Variants in ZNF385B observed in about 807,000 individuals in gnomAD.
The protein encoded by ZNF385B is zinc finger protein 385B, also known as zinc finger protein 533.
A neutral mutation model predicts 39.2 loss-of-function variants in ZNF385B; 23 were observed. That is an observed-to-expected ratio of 0.59 (90% CI 0.42 to 0.83). The LOEUF (loss-of-function observed/expected upper bound fraction) is 0.83, where lower values mean the gene tolerates loss of function less well. Among genes scored for constraint, ZNF385B ranks in the 40% least tolerant of loss-of-function variants. The pLI, the probability that ZNF385B is intolerant of heterozygous loss-of-function variation, is 0.00. For missense variants in ZNF385B, 552 were observed against 598.9 expected (o/e 0.92, Z 0.82); for synonymous variants, 205 against 222.6 (o/e 0.92, Z 0.70).
chr2:179,777,199 G>A (rs1190172077), intron 1 of ZNF385B, among the ~76,000 whole-genome samples: 1 of 151,616 alleles, frequency 6.6e-6, no homozygotes, highest in Non-Finnish European at 1.5e-5. Context: ...TGAGAACAAG[G>A]AATGGATTTT....
chr2:179,611,575 T>C lies in ZNF385B; in HGVS notation c.299-66606A>G, dbSNP rs186164730. ...GCCTCGTGGAATGAGTTTGGAAGTA[T>C]TTCCTCCTCCTATTTGTTTTGAATA... On this transcript the variant is annotated intron_variant, in intron 3 of 9. Transcript: ENST00000410066. Among the ~76,000 whole-genome samples, 7 of 152,306 alleles carry C rather than the reference T, an allele frequency of 4.6e-5. No homozygotes were observed. The East Asian group carries it at 1.4e-3, about 29-fold the overall frequency.
intron 3 of ZNF385B, among the ~76,000 whole-genome samples, chr2:179,630,366 A>G (rs1422415155): frequency 6.6e-6 from 1 of 152,238 alleles, no homozygotes; most frequent in African/African-American, 2.4e-5. Flanking sequence ...TGCTGGTGAT[A>G]CCCAGACAAA....
At chr2:179,798,998 G>A (rs1705860159) in intron 1 of ZNF385B, among the ~76,000 whole-genome samples, 2 of 151,802 alleles carry the variant, frequency 1.3e-5, no homozygotes, top group Admixed American at 1.3e-4. Context: ...TAGTGATTTG[G>A]TGATATTTAG....
intron 5 of ZNF385B, chr2:179,514,130 T>C (rs2057906728): frequency 1.3e-5 from 2 of 152,236 alleles, no homozygotes; most frequent in Non-Finnish European, 1.5e-5. Context: ...TGGGCTAACA[T>C]CGAGGTGTCA....
intron 1 of ZNF385B, among the ~76,000 whole-genome samples, chr2:179,813,631 G>C (rs1559218379): frequency 6.6e-6 from 1 of 152,146 alleles, no homozygotes; most frequent in South Asian, 2.1e-4. Flanking sequence ...CCCTATAGTA[G>C]TCAAATAAAT....
At chr2:179,797,731 G>T (rs1436330257) in intron 1 of ZNF385B, among the ~76,000 whole-genome samples, 4 of 152,040 alleles carry the variant, frequency 2.6e-5, no homozygotes, top group Non-Finnish European at 1.5e-5. Flanking sequence ...AAAACCGATA[G>T]TCAGATCTAG....
chr2:179,490,052 G>A (rs1226874906), intron 5 of ZNF385B, among the ~76,000 whole-genome samples: 2 of 152,174 alleles, frequency 1.3e-5, no homozygotes, highest in Non-Finnish European at 2.9e-5. Context: ...CTTCTGGATT[G>A]TGCCAGGCCA....
chr2:179,672,281 T>C (rs1430791828), intron 3 of ZNF385B, among the ~76,000 whole-genome samples: 1 of 152,208 alleles, frequency 6.6e-6, no homozygotes, highest in African/African-American at 2.4e-5. Context: ...CCACTACAGT[T>C]TAGAAGCACA....
chr2:179,619,807 A>G (rs1690058726), intron 3 of ZNF385B, among the ~76,000 whole-genome samples: 1 of 152,218 alleles, frequency 6.6e-6, no homozygotes, highest in Admixed American at 6.5e-5. Flanking sequence ...GTATAAATAC[A>G]TAGAAAATAA....
chr2:179,808,328 G>A (rs548407528), intron 1 of ZNF385B, among the ~76,000 whole-genome samples: 1 of 152,246 alleles, frequency 6.6e-6, no homozygotes, highest in African/African-American at 2.4e-5. Flanking sequence ...CACCGCACCC[G>A]GCCTATAATT....
At chr2:179,579,114 A>G (rs1351512697) in intron 3 of ZNF385B, among the ~76,000 whole-genome samples, 1 of 152,108 alleles carries the variant, frequency 6.6e-6, no homozygotes, top group Non-Finnish European at 1.5e-5. Context: ...CTGTGTGACA[A>G]TGACCTCTTA....
intron 1 of ZNF385B, among the ~76,000 whole-genome samples, chr2:179,855,584 T>C (rs1684527958): frequency 6.6e-6 from 1 of 152,210 alleles, no homozygotes; most frequent in African/African-American, 2.4e-5. Flanking sequence ...TATCAGTATA[T>C]ATACTTTCTT....
chr2:179,818,754 C>T (rs1413703196), intron 1 of ZNF385B, among the ~76,000 whole-genome samples: 4 of 152,132 alleles, frequency 2.6e-5, no homozygotes, highest in Non-Finnish European at 5.9e-5. Flanking sequence ...ACACAAGTGA[C>T]TCACCGTCTG....
intron 3 of ZNF385B, among the ~76,000 whole-genome samples, chr2:179,672,515 G>A (rs1374427292): frequency 6.6e-6 from 1 of 152,074 alleles, no homozygotes. Context: ...AGGAGTGAGA[G>A]GTAGAATGCT....
chr2:179,661,304 T>A (rs767976455), intron 3 of ZNF385B, among the ~76,000 whole-genome samples: 1 of 152,222 alleles, frequency 6.6e-6, no homozygotes, highest in African/African-American at 2.4e-5. Context: ...TTTGCCATTA[T>A]GAAATTCAGG....
chr2:179,747,305 C>T (rs1702437851), intron 3 of ZNF385B, among the ~76,000 whole-genome samples: 1 of 152,210 alleles, frequency 6.6e-6, no homozygotes, highest in African/African-American at 2.4e-5. Context: ...GTTAGATGCC[C>T]TTGCTTGGAG....
At position 179,676,481 on chromosome 2, in the gene ZNF385B, C is replaced by A. The variant is rs190329397; in HGVS notation, c.298+93022G>T. The stretch of plus-strand genomic sequence containing the variant: ...CCTCGTAATCTGCCCACCTTGGCCT[C>A]CCAAAGTGCTGGGATTACAGGCGTG... On this transcript the variant is annotated intron_variant, in intron 3 of 9. Transcript: ENST00000410066. 1.3e-3 allele frequency among the ~76,000 whole-genome samples: 199 copies of A among 152,300 alleles called. 2 individuals are homozygous for A. In the Middle Eastern group the frequency reaches 0.02, roughly 16 times the overall value.
At chr2:179,702,780 G>T (rs1311930141) in intron 3 of ZNF385B, among the ~76,000 whole-genome samples, 1 of 152,138 alleles carries the variant, frequency 6.6e-6, no homozygotes, top group Non-Finnish European at 1.5e-5. Flanking sequence ...TTAGGCCAAT[G>T]GAGCAAAAAT....
intron 3 of ZNF385B, among the ~76,000 whole-genome samples, chr2:179,597,421 A>G (rs1289461548): frequency 6.6e-6 from 1 of 152,246 alleles, no homozygotes; most frequent in Non-Finnish European, 1.5e-5. Flanking sequence ...TGTTTTTTAC[A>G]TATAAAATGT....
Sources: allele counts gnomAD v4.1 joint callset (sites outside exome capture counted in the v4.1 genomes callset), GRCh38; gene constraint gnomAD v4.1.1; transcripts MANE v1.5; gene names NCBI Gene and HGNC (gene_info 2026-07-23, HGNC 2026-07-21).